Variants in SPAG16 observed in about 807,000 individuals in gnomAD.
The protein encoded by SPAG16 is sperm-associated antigen 16 protein.
Under a neutral mutation model 80.4 loss-of-function variants are expected in SPAG16, and 86 were observed. The ratio of observed to expected loss-of-function variants is 1.07; its 90% CI spans 0.90 to 1.28. The LOEUF is 1.28. SPAG16 is among the 50% of genes most tolerant of loss of function. The probability of loss-of-function intolerance (pLI) is 0.00; values close to 1 mark genes in which losing one functional copy is unlikely to be tolerated. For missense variants in SPAG16, 870 were observed against 765.3 expected (o/e 1.14, Z -1.61); for synonymous variants, 294 against 265.9 (o/e 1.11, Z -1.03).
At chr2:213,633,463 T>C (rs2062234592) in intron 10 of SPAG16, among the ~76,000 whole-genome samples, 1 of 152,182 alleles carries the variant, frequency 6.6e-6, no homozygotes, top group Non-Finnish European at 1.5e-5. Flanking sequence ...TCATTGAGAA[T>C]GATCCATTTG....
At chr2:213,940,947 T>C (rs186397920) in intron 12 of SPAG16, among the ~76,000 whole-genome samples, 3 of 152,326 alleles carry the variant, frequency 2.0e-5, no homozygotes, top group Admixed American at 2.0e-4. Flanking sequence ...ACCTGAGTTA[T>C]AATGATTCTC....
intron 13 of SPAG16, among the ~76,000 whole-genome samples, chr2:214,103,957 G>A (rs2053230900): frequency 7.0e-6 from 1 of 143,184 alleles, no homozygotes; most frequent in African/African-American, 2.6e-5. Flanking sequence ...GAGAGAGAGA[G>A]AGACAGTGAG....
At chr2:213,396,159 G>A (rs1276670674) in intron 9 of SPAG16, among the ~76,000 whole-genome samples, 1 of 152,080 alleles carries the variant, frequency 6.6e-6, no homozygotes, top group African/African-American at 2.4e-5. Context: ...CTTCAGAAGT[G>A]TTTTAGCTAG....
chr2:213,757,241 T>C (rs1251995434), intron 10 of SPAG16, among the ~76,000 whole-genome samples: 1 of 152,040 alleles, frequency 6.6e-6, no homozygotes, highest in Non-Finnish European at 1.5e-5. Context: ...ACATATATAT[T>C]CATGAATTAG....
At chr2:213,827,557 C>T (rs1306499450) in intron 10 of SPAG16, among the ~76,000 whole-genome samples, 4 of 152,132 alleles carry the variant, frequency 2.6e-5, no homozygotes, top group South Asian at 2.1e-4. Flanking sequence ...GTAATCTACA[C>T]ACCACAATTA....
At chr2:214,141,211 G>A (rs1253054968) in intron 14 of SPAG16, among the ~76,000 whole-genome samples, 5 of 152,086 alleles carry the variant, frequency 3.3e-5, no homozygotes, top group South Asian at 4.1e-4. Flanking sequence ...GCTCATGCCC[G>A]TAATCCCAGC....
intron 11 of SPAG16, among the ~76,000 whole-genome samples, chr2:213,902,952 A>C (rs1207486536): frequency 6.6e-6 from 1 of 152,190 alleles, no homozygotes; most frequent in Non-Finnish European, 1.5e-5. Context: ...GAGGAAGTCA[A>C]ATTTTAAAAT....
intron 15 of SPAG16, among the ~76,000 whole-genome samples, chr2:214,173,777 G>C (rs2056969464): frequency 6.6e-6 from 1 of 151,830 alleles, no homozygotes; most frequent in African/African-American, 2.4e-5. Flanking sequence ...AACCAAAAAA[G>C]AGAATTTTAG....
At chr2:214,286,823 T>C (rs1421674860) in intron 15 of SPAG16, among the ~76,000 whole-genome samples, 1 of 152,128 alleles carries the variant, frequency 6.6e-6, no homozygotes, top group Non-Finnish European at 1.5e-5. Flanking sequence ...TGCATTAGAA[T>C]CACTAAAAAT....
chr2:213,554,647 A>C lies in SPAG16; in HGVS notation c.1070+64557A>C, dbSNP rs1232524741. ...AAATAAGAAAAATAATAAGCAACAA[A>C]AATGATAGAGAAATCAAAATTATAA... On this transcript the variant is annotated intron_variant, in intron 10 of 15. Transcript: ENST00000331683. 3.9e-5 allele frequency among the ~76,000 whole-genome samples: 6 copies of C among 152,228 alleles called. No homozygotes were observed. In the East Asian group the frequency reaches 1.2e-3, roughly 29 times the overall value.
At chr2:213,860,473 C>CATATATCTATATA (rs2075400307) in intron 10 of SPAG16, among the ~76,000 whole-genome samples, 1 of 78,784 alleles carries the variant, frequency 1.3e-5, no homozygotes, top group African/African-American at 3.9e-5. Flanking sequence ...ATATATCTAT[C>CATATATCTATATA]TATATATATA....
At chr2:213,362,552 A>G (rs186349776) in intron 7 of SPAG16, among the ~76,000 whole-genome samples, 1 of 152,196 alleles carries the variant, frequency 6.6e-6, no homozygotes, top group Non-Finnish European at 1.5e-5. Flanking sequence ...AGTTTTAAGT[A>G]CTGTTGGTAG....
rs561101042 is a variant in SPAG16 at position 213,877,972 on chromosome 2, T to C, written c.1214+15344T>C. 4.6e-5 allele frequency among the ~76,000 whole-genome samples: 7 copies of C among 152,264 alleles called. No individual in the cohort carries two copies. The South Asian group carries it at 6.2e-4, about 14-fold the overall frequency. On this transcript the variant is annotated intron_variant, in intron 11 of 15. Transcript: ENST00000331683. ...TCAGTGTATCATTCATGACCCTCCA[T>C]AGATTGACCTAGATCAAATTTCTGA... is the stretch of plus-strand genomic sequence containing the variant.
intron 15 of SPAG16, among the ~76,000 whole-genome samples, chr2:214,276,291 T>C (rs1167318049): frequency 1.3e-5 from 2 of 152,242 alleles, no homozygotes; most frequent in African/African-American, 2.4e-5. Context: ...TTAGCCCATT[T>C]ACATTTAGGG....
At chr2:213,412,211 C>A (rs2069013321) in intron 9 of SPAG16, among the ~76,000 whole-genome samples, 1 of 152,156 alleles carries the variant, frequency 6.6e-6, no homozygotes, top group Non-Finnish European at 1.5e-5. Flanking sequence ...TGCCCTGACT[C>A]CCAACAAAGC....
chr2:214,131,407 A>G (rs2054769768), intron 14 of SPAG16, among the ~76,000 whole-genome samples: 1 of 152,064 alleles, frequency 6.6e-6, no homozygotes, highest in Non-Finnish European at 1.5e-5. Context: ...CTCTATCCAC[A>G]AAGTAGGTAA....
chr2:214,300,128 C>T (rs1287457877), intron 15 of SPAG16, among the ~76,000 whole-genome samples: 1 of 151,706 alleles, frequency 6.6e-6, no homozygotes, highest in African/African-American at 2.4e-5. Context: ...AATTAAATTG[C>T]CATAAATTAA....
At chr2:213,962,941 G>C (rs1410845583) in intron 12 of SPAG16, among the ~76,000 whole-genome samples, 1 of 151,980 alleles carries the variant, frequency 6.6e-6, no homozygotes, top group South Asian at 2.1e-4. Context: ...CCTCTGGTCA[G>C]TGTTACTAAA....
chr2:213,526,275 C>T (rs183922720), intron 10 of SPAG16, among the ~76,000 whole-genome samples: 3 of 152,214 alleles, frequency 2.0e-5, no homozygotes, highest in East Asian at 1.9e-4. Context: ...TTAGTATTTA[C>T]ACAATATGAC....
Sources: gnomAD v4.1 joint callset for allele counts (sites outside exome capture counted in the v4.1 genomes callset) on GRCh38, gnomAD v4.1.1 for gene constraint, MANE v1.5 for transcripts, NCBI Gene and HGNC (gene_info 2026-07-23, HGNC 2026-07-21) for gene names.